The following ABAT variants were observed in gnomAD, a reference collection of about 807,000 sequenced individuals.
The protein encoded by ABAT is 4-aminobutyrate aminotransferase, also known as 4-aminobutyrate aminotransferase, mitochondrial.
Under a neutral mutation model 64.6 loss-of-function variants are expected in ABAT, and 45 were observed. The observed-to-expected ratio is 0.70, with a 90% CI of 0.55 to 0.89. The LOEUF is 0.89. ABAT is among the 40% of genes least tolerant of loss of function. The pLI, the probability that ABAT is intolerant of heterozygous loss-of-function variation, is 0.00. For synonymous variants in ABAT, 297 were observed against 250.5 expected (o/e 1.19, Z -1.75); for missense variants, 633 against 658.4 (o/e 0.96, Z 0.42).
chr16:8,769,045 G>A, intron 11 of ABAT, 72 bp downstream of exon 11: 1 of 1,600,348 alleles, frequency 6.2e-7, no homozygotes, highest in African/African-American at 1.3e-5. Context: ...GACTTGGGGA[G>A]AAGAGAAACA....
intron 9 of ABAT, 100 bp from the exon 10 acceptor site, chr16:8,768,093 C>G: frequency 7.7e-7 from 1 of 1,298,494 alleles, no homozygotes; most frequent in Non-Finnish European, 1.1e-6. Flanking sequence ...ATTCCTGGTT[C>G]TTCTGATAGA....
chr16:8,764,855 A>ACG lies in ABAT; in HGVS notation c.540+26_540+27insGC, dbSNP rs2059898227. The ACG allele has an allele frequency of 6.3e-7, 1 of 1,587,824 alleles. No individual in the cohort carries two copies. Among genetic ancestry groups the ACG allele is most frequent in the Non-Finnish European group, 8.6e-7 (1 of 1,156,460 alleles). ...GGTGAGGTTTGGGGCACACACACAC[A>ACG]CACACACACAGGCTCCCCAGCACCC... On this transcript the variant is annotated intron_variant, in intron 8 of 15. Coordinates refer to ENST00000268251, the MANE Select transcript of ABAT (RefSeq NM_020686.6). This position sits in a 1 kb window ranked among gnomAD's most constrained non-coding sequence, Gnocchi z 4.2.
At chr16:8,678,082 C>T (rs1460203599) in intron 1 of ABAT, among the ~76,000 whole-genome samples, 1 of 152,050 alleles carries the variant, frequency 6.6e-6, no homozygotes, top group Non-Finnish European at 1.5e-5. Flanking sequence ...AAATAAAAAC[C>T]AAAAACAGCT....
At chr16:8,692,941 C>A (rs1306672920) in intron 1 of ABAT, among the ~76,000 whole-genome samples, 1 of 152,194 alleles carries the variant, frequency 6.6e-6, no homozygotes, top group Non-Finnish European at 1.5e-5. Context: ...GCAATCTCCA[C>A]CTCCCAGGTT....
At chr16:8,748,781 C>G (rs1038258648) in intron 4 of ABAT, among the ~76,000 whole-genome samples, 1 of 152,068 alleles carries the variant, frequency 6.6e-6, no homozygotes, top group Non-Finnish European at 1.5e-5. Context: ...CTCTCTTTCT[C>G]TCTAGTAATA....
chr16:8,745,844 G>C (rs572742149), intron 2 of ABAT, among the ~76,000 whole-genome samples, 157 bp from the exon 3 acceptor site: 2 of 152,312 alleles, frequency 1.3e-5, no homozygotes, highest in African/African-American at 4.8e-5. Context: ...TGGTGGCCCA[G>C]TTGGTCTGTC....
chr16:8,758,535 G>T (rs1251169443), intron 6 of ABAT, among the ~76,000 whole-genome samples: 3 of 152,210 alleles, frequency 2.0e-5, no homozygotes, highest in East Asian at 1.9e-4. Flanking sequence ...CCTAGGCCAG[G>T]GGTTCAGAAC....
At chr16:8,768,415 G>A (rs1293856338) in intron 10 of ABAT, among the ~76,000 whole-genome samples, 159 bp downstream of exon 10, 1 of 152,174 alleles carries the variant, frequency 6.6e-6, no homozygotes, top group Non-Finnish European at 1.5e-5. Context: ...TTGCAGATGG[G>A]GGAATCAGTG....
intron 1 of ABAT, among the ~76,000 whole-genome samples, chr16:8,711,303 G>A (rs139436231): frequency 3.0e-4 from 46 of 152,238 alleles, no homozygotes; most frequent in African/African-American, 1.0e-3. Flanking sequence ...CTGGGAGGCC[G>A]TCAGGAGGTG....
At chr16:8,710,727 A>AGAGAGAGAGAGGGGGAGAGGGAGG (rs146344975) in intron 1 of ABAT, among the ~76,000 whole-genome samples, 2 of 103,756 alleles carry the variant, frequency 1.9e-5, no homozygotes, top group South Asian at 4.0e-4. Flanking sequence ...AGAGAGAGAG[A>AGAGAGAGAGAGGGGGAGAGGGAGG]GAGGAAATAG....
chr16:8,699,373 C>T (rs958283529), intron 1 of ABAT, among the ~76,000 whole-genome samples: 3 of 152,058 alleles, frequency 2.0e-5, no homozygotes, highest in Non-Finnish European at 4.4e-5. Context: ...TCAAGACCAG[C>T]CTGGGCAACA....
chr16:8,762,524 C>G (rs1445037089), intron 6 of ABAT, among the ~76,000 whole-genome samples: 1 of 152,200 alleles, frequency 6.6e-6, no homozygotes, highest in Admixed American at 6.5e-5. Flanking sequence ...CATGCTGTAC[C>G]CTAAGCCTGT....
intron 1 of ABAT, among the ~76,000 whole-genome samples, chr16:8,709,587 T>C (rs2058025118): frequency 6.6e-6 from 1 of 152,182 alleles, no homozygotes; most frequent in Non-Finnish European, 1.5e-5. Context: ...TTGGCCAAGC[T>C]GGTCTCGAAC....
chr16:8,681,158 AT>A (rs924138740), intron 1 of ABAT, among the ~76,000 whole-genome samples: 1 of 151,726 alleles, frequency 6.6e-6, no homozygotes, highest in Admixed American at 6.6e-5. Flanking sequence ...TTTAAAAAGC[AT>A]TTTTTTGTTG....
chr16:8,706,418 A>AG (rs1483781183), intron 1 of ABAT, among the ~76,000 whole-genome samples: 11 of 147,684 alleles, frequency 7.4e-5, no homozygotes, highest in African/African-American at 4.9e-5. Flanking sequence ...AAAAAAAAAA[A>AG]AAAAAGAAAA....
chr16:8,738,840 TTAC>T (rs1389912134), intron 2 of ABAT, among the ~76,000 whole-genome samples: 2 of 152,150 alleles, frequency 1.3e-5, no homozygotes, highest in Non-Finnish European at 1.5e-5. Context: ...AGACAGGGTT[TTAC>T]CATGTTGGCC....
intron 5 of ABAT, among the ~76,000 whole-genome samples, chr16:8,752,039 A>G (rs550991973): frequency 1.1e-3 from 164 of 151,950 alleles, no homozygotes; most frequent in Non-Finnish European, 1.9e-3. Flanking sequence ...AGCCCGGGGC[A>G]TCCTCCGCTC....
At chr16:8,712,784 C>T (rs920694596) in intron 1 of ABAT, 1 of 152,178 alleles carries the variant, frequency 6.6e-6, no homozygotes, top group African/African-American at 2.4e-5. Flanking sequence ...CGATTTGATC[C>T]CATTGGTTGC....
chr16:8,691,120 A>G lies in ABAT; in HGVS notation c.-42+16409A>G, dbSNP rs181495695. ...TCCCTTCGTCAAACCACACTTGCCC[A>G]TATTGGCACATAGCTTGATGCTACA... On this transcript the variant is annotated intron_variant, in intron 1 of 15. Transcript: ENST00000268251. 1.7e-3 allele frequency among the ~76,000 whole-genome samples: 253 copies of G among 151,974 alleles called. 5 individuals carry two copies. The highest frequency in any genetic ancestry group is 0.015 in the Admixed American group (235 of 15,276).
Sources: gnomAD v4.1 joint callset for allele counts (sites outside exome capture counted in the v4.1 genomes callset) on GRCh38, gnomAD v4.1.1 for gene constraint, Gnocchi (gnomAD v3.1) non-coding constraint, MANE v1.5 for transcripts, NCBI Gene and HGNC (gene_info 2026-07-23, HGNC 2026-07-21) for gene names.